Variants in ALOXE3 observed in about 807,000 individuals in gnomAD.
ALOXE3 encodes the protein arachidonate epidermal lipoxygenase 3, also known as hydroperoxide isomerase ALOXE3.
Under a neutral mutation model 87.5 loss-of-function variants are expected in ALOXE3, and 78 were observed. The observed-to-expected ratio is 0.89, with a 90% CI of 0.74 to 1.08. ALOXE3 has a LOEUF of 1.08. Ranked by LOEUF, ALOXE3 falls within the 50% of genes least tolerant of loss-of-function variation. The pLI, the probability that ALOXE3 is intolerant of heterozygous loss-of-function variation, is 0.00. For synonymous variants in ALOXE3, 363 were observed against 370.8 expected, an observed-to-expected ratio of 0.98 and a Z score of 0.24; for missense variants, 946 against 912.4, an observed-to-expected ratio of 1.04 and a Z score of -0.47.
rs1202116069 is a variant in ALOXE3, at chr17:8,112,152, G to A, written c.725C>T (p.Ser242Phe). ...KLRGLLDRKG[S>F]WKKLDDMQNI... ...CTGCATGTCATCCAGCTTCTTCCAG[G>A]AGCCCTTGCGATCCAACAGCCCTCG... Residue 242 changes from serine to phenylalanine, a missense_variant, in exon 7 of 16, where the codon TCC becomes TTC. By Grantham distance (155) the Ser-to-Phe change is radical (BLOSUM62 -2). Transcript: ENST00000448843. The A allele has an allele frequency of 1.5e-5, 25 of 1,614,004 alleles. No homozygotes were observed. Among genetic ancestry groups the A allele is most frequent in the Non-Finnish European group, 2.0e-5 (24 of 1,180,044 alleles).
chr17:8,108,627 C>T, intron 12 of ALOXE3, 38 bp from the exon 13 acceptor site: 2 of 1,601,030 alleles, frequency 1.2e-6, no homozygotes, highest in South Asian at 1.1e-5. Context: ...GGAGTAACCA[C>T]GGGCTCAGTC....
Position 8,114,510 on chromosome 17 carries a change from G to A in ALOXE3, c.654C>T (p.Ile218=). The change falls in exon 6 of 16, where the codon ATC becomes ATT. Residue 218 remains isoleucine (I), a synonymous_variant. Transcript: ENST00000448843. ...CAGGGATGGCATTGAAGAGCAGCGA[G>A]ATCGTCTTGGTGGCTGAGTATCGAA... ...PNVRYSATKT[I]SLLFNAIPAS... 6.2e-7 allele frequency: 1 copy of A among 1,614,122 alleles called. No homozygotes were observed. The highest frequency in any genetic ancestry group is 8.5e-7 in the Non-Finnish European group (1 of 1,180,010).
At position 8,118,022 on chromosome 17, in the gene ALOXE3, G is replaced by T; in HGVS notation, c.-32C>A. 6.2e-7 allele frequency: 1 copy of T among 1,605,076 alleles called. No individual in the cohort carries two copies. On this transcript the variant is annotated 5_prime_UTR_variant, in exon 2 of 16. Coordinates refer to ENST00000448843, the MANE Select transcript of ALOXE3 (RefSeq NM_021628.3). ...AAGGAGGAAGGGATGCCCCGGCAACGCTGGCCGCAGCAGCAGCCGGCCTGG... is the reference window on the plus strand; with the variant it reads ...AAGGAGGAAGGGATGCCCCGGCAACTCTGGCCGCAGCAGCAGCCGGCCTGG...
Position 8,103,421 on chromosome 17 carries a change from TGG to T in ALOXE3, c.1856_1857del (p.Thr619AsnfsTer12). The T allele has an allele frequency of 6.2e-7, 1 of 1,614,102 alleles. No individual in the cohort carries two copies. Among genetic ancestry groups the T allele is most frequent in the Non-Finnish European group, 8.5e-7 (1 of 1,179,992 alleles). ...MRQPPPQTKG[T>X]TTLKTYLDTL... is the part of the protein sequence containing the mutation. ...GTGTCTAGGTAAGTCTTCAGGGTGG[TGG>T]TCCCCTTGGTCTGGGGTGGGGGCTG... On this transcript the variant is annotated frameshift_variant, in exon 15 of 16. Coordinates refer to ENST00000448843, the MANE Select transcript of ALOXE3 (RefSeq NM_021628.3). LOFTEE classifies it high-confidence loss of function.
Position 8,107,921 on chromosome 17 carries a change from GAA to G in ALOXE3, c.1684+545_1684+546del, listed in dbSNP as rs1193209928. ...AGAAAGAAAGAAAGAAAGAAAGAAA[GAA>G]AGAAAGAAAGAAAGAAAGAAAGAAA... On this transcript the variant is annotated intron_variant, in intron 13 of 15. Coordinates refer to ENST00000448843, the MANE Select transcript of ALOXE3 (RefSeq NM_021628.3). 5.0e-4 allele frequency among the ~76,000 whole-genome samples: 3 copies of G among 5,942 alleles called. 1 individual carries two copies. Among genetic ancestry groups the G allele is most frequent in the Admixed American group, 2.8e-3 (2 of 708 alleles). 3.9% of individuals were successfully genotyped at this position (5,942 alleles called of 152,430 possible).
intron 4 of ALOXE3, 71 bp from the exon 5 acceptor site, chr17:8,115,128 C>G: frequency 1.3e-6 from 2 of 1,591,012 alleles, no homozygotes; most frequent in East Asian, 2.2e-5. Context: ...TTTAAAGACA[C>G]GGCTTCAGAT....
At position 8,107,574 on chromosome 17, in the gene ALOXE3, C is replaced by T. The variant is rs554682916; in HGVS notation, c.1684+894G>A. On this transcript the variant is annotated intron_variant, in intron 13 of 15. Transcript: ENST00000448843. ...CAGCACTTTGGGAGGCTGAGGCGGG[C>T]GGATCATGAGGTCAGGAGATCGAGA... Among the ~76,000 whole-genome samples, 21 of 151,526 alleles carry T rather than the reference C, an allele frequency of 1.4e-4. 1 individual carries two copies. Among genetic ancestry groups the T allele is most frequent in the Admixed American group, 4.6e-4 (7 of 15,216 alleles).
rs1222861475 is a variant in ALOXE3, at chr17:8,107,998, GGAAAGAAAGAAAGAAAGAAA to G, written c.1684+450_1684+469del. Among the ~76,000 whole-genome samples the G allele has an allele frequency of 8.4e-3, 55 of 6,578 alleles. 8 individuals carry two copies. Among genetic ancestry groups the G allele is most frequent in the South Asian group, 0.029 (11 of 380 alleles). 4.3% of individuals were successfully genotyped at this position (6,578 alleles called of 152,430 possible). On this transcript the variant is annotated intron_variant, in intron 13 of 15. Coordinates refer to ENST00000448843, the MANE Select transcript of ALOXE3 (RefSeq NM_021628.3). ...AGAGAGAGAGAAAGAAAGAAAGGAA[GGAAAGAAAGAAAGAAAGAAA>G]GAAAGAAAGAAAGAAAGAAAGAAAG...
rs200175326 is a variant in ALOXE3 at position 8,101,033 on chromosome 17, T to G, written c.1956+2290A>C. 7.3e-4 allele frequency among the ~76,000 whole-genome samples: 7 copies of G among 9,642 alleles called. No individual in the cohort carries two copies. In the South Asian group the frequency reaches 0.024, roughly 33 times the overall value. The allele number at this position is 9,642 out of a possible 152,430, so 6.3% of individuals were successfully genotyped here. A position where few individuals can be genotyped will look rare whatever the true frequency, so the allele number is the denominator to read the frequency against. On this transcript the variant is annotated intron_variant, in intron 15 of 15. Transcript: ENST00000448843. Reference sequence around the variant, plus strand: ...CGGTGCCAAGCTGCTTTTTTTTTGTTTTTTTTTTTTTGAGATGGAACTTCA... The same window carrying G: ...CGGTGCCAAGCTGCTTTTTTTTTGTGTTTTTTTTTTTGAGATGGAACTTCA...
chr17:8,102,643 C>T (rs904225334), intron 15 of ALOXE3, among the ~76,000 whole-genome samples: 4 of 152,184 alleles, frequency 2.6e-5, no homozygotes, highest in African/African-American at 7.2e-5. Flanking sequence ...TGGTCCTGTT[C>T]TTCCCCCTCC....
chr17:8,098,344 T>C (rs984413672), intron 15 of ALOXE3, among the ~76,000 whole-genome samples: 1 of 66,198 alleles, frequency 1.5e-5, no homozygotes, highest in Non-Finnish European at 3.0e-5. Context: ...GATCAAGTGA[T>C]TTCTCCTGCC....
chr17:8,101,621 G>A (rs963682387), intron 15 of ALOXE3, among the ~76,000 whole-genome samples: 2 of 152,086 alleles, frequency 1.3e-5, no homozygotes, highest in African/African-American at 4.8e-5. Flanking sequence ...GATCAAATAT[G>A]TGGGATCTTT....
chr17:8,108,432 CAGAGCT>C, intron 13 of ALOXE3, 30 bp downstream of exon 13: 3 of 1,608,976 alleles, frequency 1.9e-6, no homozygotes, highest in Non-Finnish European at 2.5e-6. Context: ...GCTAGCTCAT[CAGAGCT>C]ACACGGAAAG....
rs560332576 is a variant in ALOXE3, at chr17:8,111,424, G to A, written c.892C>T (p.Pro298Ser). 47 of 1,614,102 alleles carry A rather than the reference G, an allele frequency of 2.9e-5. No homozygotes were observed. In the African/African-American group the frequency reaches 5.7e-4, roughly 20 times the overall value. The change falls in exon 8 of 16, where the codon CCT (proline) becomes TCT (serine). Residue 298 changes from proline to serine, a missense_variant. Physicochemically the swap from Pro to Ser is moderately conservative, Grantham distance 74. Coordinates refer to ENST00000448843, the MANE Select transcript of ALOXE3 (RefSeq NM_021628.3). ...HCISSLPSKL[P>S]VTNDMVAPLL... ...GGGGCCACCATGTCATTGGTGACAGGCAGCTTGCTGGGCAAGCTAGAGATG... is the reference window on the plus strand; with the variant it reads ...GGGGCCACCATGTCATTGGTGACAGACAGCTTGCTGGGCAAGCTAGAGATG...
chr17:8,100,680 C>T (rs1226838494), intron 15 of ALOXE3, among the ~76,000 whole-genome samples: 15 of 152,112 alleles, frequency 9.9e-5, no homozygotes, highest in Admixed American at 9.8e-4. Context: ...TATTCACAGG[C>T]ATGGTCATGC....
intron 2 of ALOXE3, among the ~76,000 whole-genome samples, chr17:8,117,579 C>A (rs143896795): frequency 7.9e-5 from 12 of 152,308 alleles, no homozygotes; most frequent in Admixed American, 1.3e-4. Flanking sequence ...AAGCGACTTG[C>A]CCAAAGCCCA....
intron 13 of ALOXE3, among the ~76,000 whole-genome samples, chr17:8,108,173 T>C (rs986182515): frequency 1.6e-4 from 25 of 152,068 alleles, no homozygotes; most frequent in Non-Finnish European, 4.4e-5. Flanking sequence ...CACTGCACGT[T>C]GCAGAATATT....
intron 15 of ALOXE3, among the ~76,000 whole-genome samples, chr17:8,100,429 A>ACTGGCT: frequency 6.6e-6 from 1 of 152,252 alleles, no homozygotes; most frequent in African/African-American, 2.4e-5. Context: ...GATTGCATGC[A>ACTGGCT]AGTGTTTCAC....
At position 8,103,349 on chromosome 17, in the gene ALOXE3, A is replaced by C. The variant is rs760464162; in HGVS notation, c.1930T>G (p.Leu644Val). The C allele has an allele frequency of 1.2e-6, 2 of 1,613,838 alleles. No individual in the cohort carries two copies. The highest frequency in any genetic ancestry group is 2.2e-5 in the South Asian group (2 of 91,074). Residue 644 changes from leucine (L) to valine (V), a missense_variant, in exon 15 of 16, where the codon TTG becomes GTG. Coordinates refer to ENST00000448843, the MANE Select transcript of ALOXE3 (RefSeq NM_021628.3). ...TGGTCCTTGGGTTCTTGGCTAACCA[A>C]CCAGAAGAGGAGGAGGTTGTTACAG... is the stretch of plus-strand genomic sequence containing the variant. Reference protein sequence around the residue: ...ISCNNLLLFWLVSQEPKDQRP... With the variant: ...ISCNNLLLFWVVSQEPKDQRP...
Sources: gnomAD v4.1 joint callset for allele counts (sites outside exome capture counted in the v4.1 genomes callset) on GRCh38, gnomAD v4.1.1 for gene constraint, MANE v1.5 for transcripts, NCBI Gene and HGNC (gene_info 2026-07-23, HGNC 2026-07-21) for gene names.